The following CCSER1 variants were observed in gnomAD, a reference collection of about 807,000 sequenced individuals.
The protein encoded by CCSER1 is coiled-coil serine rich protein 1.
In CCSER1, 41 loss-of-function variants were observed where a neutral mutation model predicts 82.0. The ratio of observed to expected loss-of-function variants is 0.50; its 90% CI spans 0.39 to 0.65. The LOEUF is 0.65. CCSER1 is among the 30% of genes least tolerant of loss of function. The pLI is 0.00. For missense variants in CCSER1, 1,119 were observed against 1,064.2 expected (o/e 1.05, Z -0.72); for synonymous variants, 414 against 383.9 (o/e 1.08, Z -0.92).
intron 10 of CCSER1, among the ~76,000 whole-genome samples, chr4:91,215,181 G>A (rs759057247): frequency 2.0e-5 from 3 of 152,096 alleles, no homozygotes; most frequent in East Asian, 1.9e-4. Context: ...AAACATTACC[G>A]ATTTTCTAAA....
intron 8 of CCSER1, among the ~76,000 whole-genome samples, chr4:90,909,057 G>C (rs1725933945): frequency 6.6e-6 from 1 of 152,088 alleles, no homozygotes; most frequent in Non-Finnish European, 1.5e-5. Context: ...GAGTCTTCTT[G>C]ACCTCTTTTA....
intron 9 of CCSER1, among the ~76,000 whole-genome samples, chr4:90,963,094 T>G (rs924599190): frequency 2.0e-5 from 3 of 152,186 alleles, no homozygotes; most frequent in African/African-American, 4.8e-5. Context: ...TAAGGTAGAA[T>G]AGTATTTTAA....
intron 9 of CCSER1, among the ~76,000 whole-genome samples, chr4:90,973,457 T>A (rs1459638237): frequency 1.3e-5 from 2 of 151,684 alleles, no homozygotes; most frequent in East Asian, 3.9e-4. Flanking sequence ...ATAAGTACAA[T>A]GAGTTATCAC....
chr4:90,931,180 T>C (rs942182066), intron 9 of CCSER1, among the ~76,000 whole-genome samples: 1 of 150,038 alleles, frequency 6.7e-6, no homozygotes, highest in Non-Finnish European at 1.5e-5. Flanking sequence ...TGCACATATA[T>C]ACACACACAC....
At chr4:90,449,445 A>G (rs1761127493) in intron 4 of CCSER1, among the ~76,000 whole-genome samples, 1 of 152,078 alleles carries the variant, frequency 6.6e-6, no homozygotes, top group African/African-American at 2.4e-5. Context: ...TTCACTGGGG[A>G]TCCACCCTTT....
chr4:91,367,589 C>T (rs776701904), intron 10 of CCSER1, among the ~76,000 whole-genome samples: 12 of 151,950 alleles, frequency 7.9e-5, no homozygotes, highest in Non-Finnish European at 1.5e-4. Context: ...AGTAGGCATG[C>T]CTAGTCATAG....
intron 4 of CCSER1, among the ~76,000 whole-genome samples, chr4:90,449,488 A>G (rs575839309): frequency 6.6e-6 from 1 of 152,148 alleles, no homozygotes; most frequent in Admixed American, 6.5e-5. Context: ...TCCTGCTTCC[A>G]TCAACCTGCC....
At chr4:90,874,321 A>G (rs1766924563) in intron 8 of CCSER1, among the ~76,000 whole-genome samples, 1 of 152,226 alleles carries the variant, frequency 6.6e-6, no homozygotes, top group African/African-American at 2.4e-5. Context: ...TTAAATAAGC[A>G]CATAAAGCTA....
intron 10 of CCSER1, among the ~76,000 whole-genome samples, chr4:91,323,958 C>T (rs985366683): frequency 5.3e-5 from 8 of 152,098 alleles, no homozygotes; most frequent in South Asian, 2.1e-4. Context: ...TTGTATTCTC[C>T]GTCATTATGT....
intron 10 of CCSER1, among the ~76,000 whole-genome samples, chr4:91,513,741 T>G (rs1054800496): frequency 6.6e-6 from 1 of 152,180 alleles, no homozygotes; most frequent in Non-Finnish European, 1.5e-5. Context: ...TTTTCTAGTT[T>G]GTACACAGAG....
At chr4:91,332,110 T>C (rs1030034649) in intron 10 of CCSER1, among the ~76,000 whole-genome samples, 9 of 152,118 alleles carry the variant, frequency 5.9e-5, no homozygotes, top group African/African-American at 2.2e-4. Context: ...TTTTCTTGTG[T>C]TGAAATCATT....
At chr4:91,082,824 T>TGG (rs1722928379) in intron 9 of CCSER1, among the ~76,000 whole-genome samples, 1 of 152,188 alleles carries the variant, frequency 6.6e-6, no homozygotes, top group Non-Finnish European at 1.5e-5. Flanking sequence ...TCATCATCAC[T>TGG]GGTCATCAGA....
chr4:91,248,038 A>G (rs1739945207), intron 10 of CCSER1, among the ~76,000 whole-genome samples: 1 of 152,178 alleles, frequency 6.6e-6, no homozygotes, highest in African/African-American at 2.4e-5. Context: ...CAACAGCAAG[A>G]AAAAAGAAAA....
chr4:90,271,840 ATATATATATATATATATATATATTTT>A lies in CCSER1; in HGVS notation c.-41-36402_-41-36377del, dbSNP rs1339420527. Among the ~76,000 whole-genome samples the A allele has an allele frequency of 3.4e-4, 7 of 20,574 alleles. 2 individuals carry two copies. Among genetic ancestry groups the A allele is most frequent in the Admixed American group, 1.8e-3 (4 of 2,186 alleles). 13.5% of individuals were successfully genotyped at this position (20,574 alleles called of 152,430 possible). The stretch of plus-strand genomic sequence containing the variant: ...GACTGGACAATTTATATATATATAT[ATATATATATATATATATATATATTTT>A]TTTTTTTTTTTTTTTTTTTTTTTTA... On this transcript the variant is annotated intron_variant, in intron 1 of 10. Transcript: ENST00000509176.
At chr4:90,719,435 A>T (rs1314451159) in intron 6 of CCSER1, among the ~76,000 whole-genome samples, 2 of 152,154 alleles carry the variant, frequency 1.3e-5, no homozygotes, top group East Asian at 3.9e-4. Context: ...AACGTGCACA[A>T]TAAATGTACT....
intron 8 of CCSER1, among the ~76,000 whole-genome samples, chr4:90,830,848 T>A (rs75765084): frequency 0.049 from 7,448 of 152,164 alleles, 253 homozygotes; most frequent in Non-Finnish European, 0.071. Flanking sequence ...AAAAGTGACA[T>A]ATGTGTATTT....
chr4:90,970,476 A>G (rs1318525779), intron 9 of CCSER1, among the ~76,000 whole-genome samples: 2 of 152,018 alleles, frequency 1.3e-5, no homozygotes, highest in African/African-American at 4.8e-5. Context: ...CAAAACTGAA[A>G]GAAGAAATAG....
At chr4:91,228,043 T>G (rs905191920) in intron 10 of CCSER1, among the ~76,000 whole-genome samples, 1 of 152,052 alleles carries the variant, frequency 6.6e-6, no homozygotes, top group Non-Finnish European at 1.5e-5. Flanking sequence ...TTTCATTGCT[T>G]TAACCACTCT....
chr4:91,218,252 G>A (rs1737445123), intron 10 of CCSER1, among the ~76,000 whole-genome samples: 2 of 152,186 alleles, frequency 1.3e-5, no homozygotes, highest in South Asian at 2.1e-4. Context: ...AGGGTTGGCT[G>A]GCTGCTCCGA....
Sources: gnomAD v4.1 joint callset for allele counts (sites outside exome capture counted in the v4.1 genomes callset) on GRCh38, gnomAD v4.1.1 for gene constraint, MANE v1.5 for transcripts, NCBI Gene and HGNC (gene_info 2026-07-23, HGNC 2026-07-21) for gene names.